ITGBL1: variants seen among roughly 807,000 people sequenced by gnomAD.
ITGBL1 encodes the protein integrin subunit beta like 1.
ITGBL1 carries 51 observed loss-of-function variants against 68.5 expected under a neutral mutation model. The observed-to-expected ratio is 0.74, with a 90% CI of 0.59 to 0.94. ITGBL1 has a LOEUF of 0.94. ITGBL1 is among the 40% of genes least tolerant of loss of function. ITGBL1 has a pLI of 0.00. For missense variants in ITGBL1, 649 were observed against 647.4 expected, an observed-to-expected ratio of 1.00 and a Z score of -0.03; for synonymous variants, 209 against 227.3, an observed-to-expected ratio of 0.92 and a Z score of 0.72.
chr13:101,608,559 A>C (rs2030983630), intron 7 of ITGBL1, among the ~76,000 whole-genome samples: 1 of 152,044 alleles, frequency 6.6e-6, no homozygotes, highest in South Asian at 2.1e-4. Flanking sequence ...TTATGATTAT[A>C]TTTTAAAATC....
rs1555361670 is a variant in ITGBL1, at chr13:101,604,887, T to TACACACACACACACACAC, written c.1015+6603_1015+6604insCACACACACACACACACA. ...ATATATATATATATATATATATATA[T>TACACACACACACACACAC]ACACACACACACACATATATATGTG... On this transcript the variant is annotated intron_variant, in intron 7 of 10. Coordinates refer to ENST00000376180, the MANE Select transcript of ITGBL1 (RefSeq NM_004791.3). 2.2e-3 allele frequency among the ~76,000 whole-genome samples: 49 copies of TACACACACACACACACAC among 22,160 alleles called. 2 individuals carry two copies. Among genetic ancestry groups the TACACACACACACACACAC allele is most frequent in the African/African-American group, 4.7e-3 (31 of 6,630 alleles). 14.5% of individuals were successfully genotyped at this position (22,160 alleles called of 152,430 possible).
intron 2 of ITGBL1, among the ~76,000 whole-genome samples, chr13:101,556,468 C>A (rs1223412553): frequency 1.3e-5 from 2 of 152,072 alleles, no homozygotes; most frequent in East Asian, 3.9e-4. Context: ...GAAACCCTGT[C>A]ACTACTAAAA....
chr13:101,551,432 C>A (rs2049918686), intron 2 of ITGBL1, among the ~76,000 whole-genome samples: 1 of 152,056 alleles, frequency 6.6e-6, no homozygotes, highest in Admixed American at 6.5e-5. Flanking sequence ...CCCAAAGAAC[C>A]AGAAGGCAAA....
rs139955779 is a variant in ITGBL1 at position 101,590,766 on chromosome 13, C to T, written c.869-7387C>T. ...AAAGCCATTGGCTCCTGTGAAACAA[C>T]AGAATTGACTGTACTTTAAATGTGA... On this transcript the variant is annotated intron_variant, in intron 6 of 10. Coordinates refer to ENST00000376180, the MANE Select transcript of ITGBL1 (RefSeq NM_004791.3). Among the ~76,000 whole-genome samples the T allele has an allele frequency of 6.4e-3, 978 of 152,212 alleles. 5 individuals are homozygous for T. The highest frequency in any genetic ancestry group is 0.013 in the Admixed American group (193 of 15,292).
chr13:101,612,450 C>T (rs369177804), intron 7 of ITGBL1, among the ~76,000 whole-genome samples: 26 of 152,094 alleles, frequency 1.7e-4, no homozygotes, highest in African/African-American at 6.3e-4. Flanking sequence ...AAAGTCTCTC[C>T]TACTGCTTCC....
chr13:101,604,887 T>TACACACACATACATACACAC (rs1555361674), intron 7 of ITGBL1, among the ~76,000 whole-genome samples: 2 of 22,162 alleles, frequency 9.0e-5, no homozygotes, highest in African/African-American at 3.0e-4. Flanking sequence ...TATATATATA[T>TACACACACATACATACACAC]ACACACACAC....
chr13:101,690,386 C>T (rs2033856461), intron 7 of ITGBL1, among the ~76,000 whole-genome samples: 1 of 152,084 alleles, frequency 6.6e-6, no homozygotes, highest in Non-Finnish European at 1.5e-5. Flanking sequence ...CTTAAAATTA[C>T]TTAAAATGTG....
At chr13:101,618,994 C>G (rs1221953326) in intron 7 of ITGBL1, among the ~76,000 whole-genome samples, 2 of 151,954 alleles carry the variant, frequency 1.3e-5, no homozygotes, top group East Asian at 3.9e-4. Context: ...ATTGGGGCAA[C>G]GAGATGTGAG....
intron 7 of ITGBL1, among the ~76,000 whole-genome samples, chr13:101,649,859 A>T (rs2032685859): frequency 6.6e-6 from 1 of 152,154 alleles, no homozygotes; most frequent in Non-Finnish European, 1.5e-5. Context: ...TCTTAGTTTC[A>T]CTTCAAACCT....
chr13:101,536,860 A>G (rs2049586125), intron 2 of ITGBL1, among the ~76,000 whole-genome samples: 1 of 152,038 alleles, frequency 6.6e-6, no homozygotes, highest in South Asian at 2.1e-4. Flanking sequence ...TCTGGAGCAG[A>G]TGTCACTGGA....
intron 9 of ITGBL1, among the ~76,000 whole-genome samples, chr13:101,710,578 T>A (rs2034415727): frequency 1.3e-5 from 2 of 152,326 alleles, no homozygotes; most frequent in Non-Finnish European, 1.5e-5. Flanking sequence ...CTAGATCAAT[T>A]TCATGGACTT....
chr13:101,592,356 A>G (rs1000802981), intron 6 of ITGBL1, among the ~76,000 whole-genome samples: 5 of 152,150 alleles, frequency 3.3e-5, no homozygotes, highest in African/African-American at 9.6e-5. Context: ...ATAAGATAAC[A>G]TTCTGCTTCG....
At chr13:101,686,847 A>G (rs1158284945) in intron 7 of ITGBL1, among the ~76,000 whole-genome samples, 1 of 152,140 alleles carries the variant, frequency 6.6e-6, no homozygotes, top group Non-Finnish European at 1.5e-5. Flanking sequence ...CAATACACAA[A>G]ATGCTATTCA....
At chr13:101,714,618 A>G in intron 10 of ITGBL1, 67 bp downstream of exon 10, 1 of 963,480 alleles carries the variant, frequency 1.0e-6, no homozygotes, top group Non-Finnish European at 1.7e-6. Context: ...GACACTCGTC[A>G]TGCAATGCTT....
intron 2 of ITGBL1, among the ~76,000 whole-genome samples, chr13:101,495,393 C>T (rs977309984): frequency 5.9e-5 from 9 of 152,136 alleles, no homozygotes; most frequent in Non-Finnish European, 1.0e-4. Context: ...GACAGACACA[C>T]GGTCAACCCC....
intron 2 of ITGBL1, among the ~76,000 whole-genome samples, chr13:101,546,726 C>A (rs2049831277): frequency 6.6e-6 from 1 of 151,876 alleles, no homozygotes; most frequent in Non-Finnish European, 1.5e-5. Flanking sequence ...ATATAGCAAG[C>A]AACTTTTATC....
intron 2 of ITGBL1, among the ~76,000 whole-genome samples, chr13:101,541,488 C>T (rs1566723236): frequency 6.6e-6 from 1 of 152,142 alleles, no homozygotes; most frequent in Non-Finnish European, 1.5e-5. Flanking sequence ...CGTCAATGTT[C>T]ATCAGGGATA....
At chr13:101,481,670 C>A (rs1236975642) in intron 2 of ITGBL1, among the ~76,000 whole-genome samples, 1 of 152,064 alleles carries the variant, frequency 6.6e-6, no homozygotes. Context: ...AGTACTAATA[C>A]CTTTTGCTCA....
At chr13:101,706,477 G>A (rs1305713141) in intron 8 of ITGBL1, among the ~76,000 whole-genome samples, 3 of 152,090 alleles carry the variant, frequency 2.0e-5, no homozygotes, top group African/African-American at 2.4e-5. Context: ...AAATGAAGAA[G>A]TATTTTCTAT....
Sources: gnomAD v4.1 joint callset for allele counts (sites outside exome capture counted in the v4.1 genomes callset) on GRCh38, gnomAD v4.1.1 for gene constraint, MANE v1.5 for transcripts, NCBI Gene and HGNC (gene_info 2026-07-23, HGNC 2026-07-21) for gene names.